RAB31: variants seen among roughly 807,000 people sequenced by gnomAD.
RAB31 encodes the protein ras-related protein Rab-31.
RAB31 carries 21 observed loss-of-function variants against 25.6 expected under a neutral mutation model. That is an observed-to-expected ratio of 0.82 (90% confidence interval 0.58 to 1.18). The LOEUF (loss-of-function observed/expected upper bound fraction) is 1.18. RAB31 is among the 50% of genes most tolerant of loss of function. The pLI is 0.00. For synonymous variants in RAB31, 87 were observed against 84.0 expected (o/e 1.04, Z -0.20); for missense variants, 196 against 250.1 (o/e 0.78, Z 1.46).
chr18:9,715,456 A>G (rs570074599), intron 1 of RAB31, among the ~76,000 whole-genome samples: 2 of 150,436 alleles, frequency 1.3e-5, no homozygotes, highest in African/African-American at 4.9e-5. Context: ...ACAGCAGTTG[A>G]AAGGACTATG....
At chr18:9,818,224 A>C (rs1289594594) in intron 5 of RAB31, among the ~76,000 whole-genome samples, 1 of 152,218 alleles carries the variant, frequency 6.6e-6, no homozygotes. Flanking sequence ...ATTGAGGTAA[A>C]TTACAAAACA....
intron 6 of RAB31, among the ~76,000 whole-genome samples, chr18:9,847,863 C>T (rs1340053176): frequency 6.6e-6 from 1 of 152,138 alleles, no homozygotes; most frequent in Admixed American, 6.6e-5. Flanking sequence ...TGTGAGCCAC[C>T]ACACATGGCT....
chr18:9,720,410 C>T (rs575581735), intron 1 of RAB31, among the ~76,000 whole-genome samples: 1 of 152,174 alleles, frequency 6.6e-6, no homozygotes, highest in African/African-American at 2.4e-5. Flanking sequence ...AGTGGGATAT[C>T]GCCAGATGCT....
At chr18:9,828,736 A>G (rs2068662528) in intron 5 of RAB31, among the ~76,000 whole-genome samples, 2 of 152,232 alleles carry the variant, frequency 1.3e-5, no homozygotes, top group South Asian at 2.1e-4. Flanking sequence ...CTTAGAAATT[A>G]TACAAACCAA....
chr18:9,855,954 G>A (rs1466420388), intron 6 of RAB31: 5 of 152,084 alleles, frequency 3.3e-5, no homozygotes, highest in African/African-American at 4.8e-5. Flanking sequence ...TTTTAGTGAC[G>A]GCTGTGTGTG....
chr18:9,822,563 C>A (rs1235341220), intron 5 of RAB31, among the ~76,000 whole-genome samples: 1 of 152,060 alleles, frequency 6.6e-6, no homozygotes, highest in Non-Finnish European at 1.5e-5. Context: ...TATTTGCAAA[C>A]TATATATCTA....
At chr18:9,733,903 G>C (rs373322278) in intron 1 of RAB31, among the ~76,000 whole-genome samples, 2 of 151,950 alleles carry the variant, frequency 1.3e-5, no homozygotes, top group Non-Finnish European at 2.9e-5. Context: ...TTACTGGGGA[G>C]GGGGGGCTTG....
chr18:9,757,498 T>A (rs770041951), intron 1 of RAB31, among the ~76,000 whole-genome samples: 13 of 152,220 alleles, frequency 8.5e-5, no homozygotes, highest in Non-Finnish European at 1.2e-4. Flanking sequence ...TAATGCCCAG[T>A]CTTTACTTCC....
rs551726693 is a variant in RAB31 at position 9,781,892 on chromosome 18, G to A, written c.119+6535G>A. ...TGCTTTCCCAAAAGCTGGTAGGTTC[G>A]GTGGGCTGAGGAACTGGCTTATATT... On this transcript the variant is annotated intron_variant, in intron 2 of 6. Transcript: ENST00000578921. Among the ~76,000 whole-genome samples the A allele has an allele frequency of 3.9e-5, 6 of 152,274 alleles. No homozygotes were observed. In the East Asian group the frequency reaches 5.8e-4, roughly 15 times the overall value.
chr18:9,771,874 T>C (rs531532187), intron 1 of RAB31, among the ~76,000 whole-genome samples: 1 of 152,358 alleles, frequency 6.6e-6, no homozygotes, highest in East Asian at 1.9e-4. Flanking sequence ...CATTTGACAG[T>C]GCATTCTAAA....
At chr18:9,828,332 T>A (rs149623679) in intron 5 of RAB31, among the ~76,000 whole-genome samples, 2 of 152,306 alleles carry the variant, frequency 1.3e-5, no homozygotes, top group African/African-American at 4.8e-5. Context: ...GAGCCTGTTG[T>A]GGCCCCAGGC....
chr18:9,740,595 C>T (rs986180521), intron 1 of RAB31, among the ~76,000 whole-genome samples: 1 of 152,072 alleles, frequency 6.6e-6, no homozygotes, highest in African/African-American at 2.4e-5. Flanking sequence ...CACCTGTAAT[C>T]CCAGCTACTC....
At chr18:9,751,457 G>A (rs1382804743) in intron 1 of RAB31, among the ~76,000 whole-genome samples, 3 of 152,184 alleles carry the variant, frequency 2.0e-5, no homozygotes, top group Admixed American at 6.5e-5. Flanking sequence ...CTTGGCCCGC[G>A]GTGCAGATTT....
At chr18:9,846,569 A>G (rs2068762987) in intron 6 of RAB31, among the ~76,000 whole-genome samples, 1 of 152,202 alleles carries the variant, frequency 6.6e-6, no homozygotes, top group African/African-American at 2.4e-5. Flanking sequence ...GGAGGAGTTG[A>G]ACCCCAAAAC....
intron 2 of RAB31, among the ~76,000 whole-genome samples, chr18:9,779,133 T>G (rs966922754): frequency 3.3e-5 from 5 of 152,140 alleles, no homozygotes; most frequent in Non-Finnish European, 7.4e-5. Flanking sequence ...CAAACCCATG[T>G]TCAAGGGTCA....
chr18:9,817,681 G>C (rs1235101482), intron 5 of RAB31, among the ~76,000 whole-genome samples: 1 of 152,182 alleles, frequency 6.6e-6, no homozygotes, highest in Non-Finnish European at 1.5e-5. Flanking sequence ...ACATATCTGT[G>C]ACATATAGAT....
chr18:9,792,073 G>A (rs1476878793), intron 2 of RAB31, 81 bp from the exon 3 acceptor site: 1 of 1,523,462 alleles, frequency 6.6e-7, no homozygotes, highest in Admixed American at 2.0e-5. Context: ...CTGCTGAGGT[G>A]TAGCATTTAA....
chr18:9,801,387 T>G (rs1035928926), intron 3 of RAB31, among the ~76,000 whole-genome samples: 4 of 151,972 alleles, frequency 2.6e-5, no homozygotes, highest in Admixed American at 6.6e-5. Flanking sequence ...TTTCAAGCGA[T>G]TCTCCTGCCT....
intron 1 of RAB31, among the ~76,000 whole-genome samples, chr18:9,731,941 T>C (rs1195329304): frequency 2.6e-5 from 4 of 152,160 alleles, no homozygotes; most frequent in Admixed American, 2.6e-4. Context: ...CCCAAACAGA[T>C]AGGAATTGAA....
Sources: gnomAD v4.1 joint callset for allele counts (sites outside exome capture counted in the v4.1 genomes callset) on GRCh38, gnomAD v4.1.1 for gene constraint, MANE v1.5 for transcripts, NCBI Gene and HGNC (gene_info 2026-07-23, HGNC 2026-07-21) for gene names.